Variants in EFCAB11 observed in about 807,000 individuals in gnomAD.
EFCAB11 encodes the protein EF-hand calcium-binding domain-containing protein 11.
A neutral mutation model predicts 23.0 loss-of-function variants in EFCAB11; 14 were observed. That is an observed-to-expected ratio of 0.61 (90% CI 0.40 to 0.95). The LOEUF (loss-of-function observed/expected upper bound fraction) is 0.95, where lower values mean the gene tolerates loss of function less well. Among genes scored for constraint, EFCAB11 ranks in the 40% least tolerant of loss-of-function variants. The probability of loss-of-function intolerance (pLI) is 0.00; values close to 1 mark genes in which losing one functional copy is unlikely to be tolerated. For synonymous variants in EFCAB11, 65 were observed against 66.6 expected (o/e 0.98, Z 0.11); for missense variants, 198 against 195.8 (o/e 1.01, Z -0.07).
intron 5 of EFCAB11, among the ~76,000 whole-genome samples, chr14:89,861,541 C>T (rs1887920968): frequency 6.6e-6 from 1 of 152,190 alleles, no homozygotes; most frequent in South Asian, 2.1e-4. Context: ...GAACCCAATC[C>T]CAGTGGCCCT....
intron 5 of EFCAB11, among the ~76,000 whole-genome samples, chr14:89,893,435 C>T (rs58725374): frequency 0.1 from 15,682 of 152,142 alleles, 2,129 homozygotes; most frequent in African/African-American, 0.31. Context: ...ACCAAGATCC[C>T]CCTTTCTGGC....
chr14:89,877,079 G>A (rs551524095), intron 5 of EFCAB11, among the ~76,000 whole-genome samples: 9 of 151,516 alleles, frequency 5.9e-5, no homozygotes, highest in Non-Finnish European at 7.4e-5. Flanking sequence ...TGGCTGTGTC[G>A]CCCAGGCTAG....
chr14:89,836,676 A>C (rs1048031825), intron 5 of EFCAB11: 9 of 456,564 alleles, frequency 2.0e-5, no homozygotes, highest in African/African-American at 1.8e-4. Flanking sequence ...CAGGGTAGAA[A>C]GATAAAACAG....
chr14:89,879,348 G>C (rs1389558962), intron 5 of EFCAB11, among the ~76,000 whole-genome samples: 1 of 151,722 alleles, frequency 6.6e-6, no homozygotes, highest in Non-Finnish European at 1.5e-5. Context: ...CTGTGTTATT[G>C]TTCTTTTCCT....
intron 5 of EFCAB11, among the ~76,000 whole-genome samples, chr14:89,803,466 CAT>C (rs1342095109): frequency 9.9e-5 from 15 of 152,128 alleles, no homozygotes; most frequent in African/African-American, 3.6e-4. Context: ...GTGATAATCA[CAT>C]GAGATTTTGA....
rs539021744 is a variant in EFCAB11, at chr14:89,868,236, GT to G, written c.410+63304del. On this transcript the variant is annotated intron_variant, in intron 5 of 5. Transcript: ENST00000316738. ...CTCATCATCAAGTCAAGTGAATATG[GT>G]CCCTCAAGAGAGACTGGCAAGACCA... 2.3e-3 allele frequency among the ~76,000 whole-genome samples: 357 copies of G among 152,306 alleles called. 2 individuals carry two copies. The highest frequency in any genetic ancestry group is 8.1e-3 in the African/African-American group (336 of 41,562).
rs537956441 is a variant in EFCAB11, at chr14:89,920,782, G to A, written c.410+10759C>T. On this transcript the variant is annotated intron_variant, in intron 5 of 5. Coordinates refer to ENST00000316738, the MANE Select transcript of EFCAB11 (RefSeq NM_145231.4). ...TGGAGTGATAAAGAAAGGCTACATAGGGCCGGGCGTGGTGGCTCACACCTG... is the reference window on the plus strand; with the variant it reads ...TGGAGTGATAAAGAAAGGCTACATAAGGCCGGGCGTGGTGGCTCACACCTG... Among the ~76,000 whole-genome samples the A allele has an allele frequency of 3.3e-5, 5 of 152,262 alleles. No individual in the cohort carries two copies. The South Asian group carries it at 1.0e-3, about 32-fold the overall frequency.
chr14:89,907,441 T>C (rs939575485), intron 5 of EFCAB11, among the ~76,000 whole-genome samples: 1 of 152,226 alleles, frequency 6.6e-6, no homozygotes, highest in Non-Finnish European at 1.5e-5. Context: ...AAAGATTGTA[T>C]GACCAAATTG....
At chr14:89,942,112 T>C (rs1890816172) in intron 3 of EFCAB11, among the ~76,000 whole-genome samples, 1 of 152,222 alleles carries the variant, frequency 6.6e-6, no homozygotes, top group Admixed American at 6.5e-5. Context: ...GCCATGATTC[T>C]AAGTTTCCTG....
chr14:89,915,646 A>T (rs1226204141), intron 5 of EFCAB11, among the ~76,000 whole-genome samples: 1 of 152,176 alleles, frequency 6.6e-6, no homozygotes, highest in Non-Finnish European at 1.5e-5. Context: ...TTTTCACCTG[A>T]GAAGAAAGTA....
chr14:89,862,439 G>A (rs1887954696), intron 5 of EFCAB11, among the ~76,000 whole-genome samples: 1 of 152,158 alleles, frequency 6.6e-6, no homozygotes, highest in African/African-American at 2.4e-5. Context: ...CACCTGAGGA[G>A]CTGAGGATTG....
At chr14:89,819,800 A>G (rs1180221665) in intron 5 of EFCAB11, among the ~76,000 whole-genome samples, 1 of 152,216 alleles carries the variant, frequency 6.6e-6, no homozygotes, top group African/African-American at 2.4e-5. Context: ...TTTCATGTGT[A>G]TACATACCAA....
At chr14:89,954,750 C>G, upstream of EFCAB11, 1 of 1,530,188 alleles carries the variant, frequency 6.5e-7, no homozygotes, top group Admixed American at 2.0e-5. Flanking sequence ...ACGCCCACCG[C>G]GGCTCAGGAA....
intron 5 of EFCAB11, among the ~76,000 whole-genome samples, chr14:89,883,636 T>C (rs147129577): frequency 7.7e-4 from 117 of 152,238 alleles, no homozygotes; most frequent in Non-Finnish European, 1.5e-3. Context: ...AAAAAAAATA[T>C]TTTCTGTCCT....
chr14:89,917,052 T>G (rs994303691), intron 5 of EFCAB11, among the ~76,000 whole-genome samples: 1 of 116,794 alleles, frequency 8.6e-6, no homozygotes, highest in Non-Finnish European at 1.8e-5. Flanking sequence ...CTGACATGCT[T>G]CGTGTGTGTG....
At chr14:89,860,660 C>A (rs1596406980) in intron 5 of EFCAB11, among the ~76,000 whole-genome samples, 1 of 151,996 alleles carries the variant, frequency 6.6e-6, no homozygotes, top group South Asian at 2.1e-4. Context: ...AATCAATGAC[C>A]CAGAAATAAA....
At chr14:89,844,592 C>T (rs1240596654) in intron 5 of EFCAB11, among the ~76,000 whole-genome samples, 1 of 152,162 alleles carries the variant, frequency 6.6e-6, no homozygotes, top group Non-Finnish European at 1.5e-5. Context: ...GGGGCACTGG[C>T]CCTATGTCTG....
intron 5 of EFCAB11, among the ~76,000 whole-genome samples, chr14:89,889,602 A>G (rs896043427): frequency 6.6e-6 from 1 of 152,256 alleles, no homozygotes; most frequent in African/African-American, 2.4e-5. Flanking sequence ...TCCTACCACC[A>G]TTAACTGGTA....
intron 5 of EFCAB11, among the ~76,000 whole-genome samples, chr14:89,847,499 G>C (rs992916315): frequency 2.6e-5 from 4 of 152,090 alleles, no homozygotes; most frequent in East Asian, 3.9e-4. Flanking sequence ...CAGCACTTTG[G>C]GAGGCAGAGG....
Sources: allele counts gnomAD v4.1 joint callset (sites outside exome capture counted in the v4.1 genomes callset), GRCh38; gene constraint gnomAD v4.1.1; transcripts MANE v1.5; gene names NCBI Gene and HGNC (gene_info 2026-07-23, HGNC 2026-07-21).